SOHLH2: variants seen among roughly 807,000 people sequenced by gnomAD.
SOHLH2 encodes spermatogenesis- and oogenesis-specific basic helix-loop-helix-containing protein 2.
Under a neutral mutation model 50.4 loss-of-function variants are expected in SOHLH2, and 22 were observed. The observed-to-expected ratio is 0.44, with a 90% CI of 0.31 to 0.62. The LOEUF (loss-of-function observed/expected upper bound fraction) is 0.62, where lower values mean the gene tolerates loss of function less well. Among genes scored for constraint, SOHLH2 ranks in the 20% least tolerant of loss-of-function variants. The pLI, the probability that SOHLH2 is intolerant of heterozygous loss-of-function variation, is 0.08. For synonymous variants in SOHLH2, 185 were observed against 187.3 expected, an observed-to-expected ratio of 0.99 and a Z score of 0.10; for missense variants, 412 against 504.4, an observed-to-expected ratio of 0.82 and a Z score of 1.76.
At chr13:36,185,122 T>C (rs1260031566) in intron 6 of SOHLH2, among the ~76,000 whole-genome samples, 1 of 152,144 alleles carries the variant, frequency 6.6e-6, no homozygotes, top group Non-Finnish European at 1.5e-5. Flanking sequence ...TATGGCTACA[T>C]AGTATTGTGT....
chr13:36,195,120 T>C (rs189705112), intron 2 of SOHLH2, among the ~76,000 whole-genome samples: 1 of 152,214 alleles, frequency 6.6e-6, no homozygotes, highest in Non-Finnish European at 1.5e-5. Context: ...CGAATCATTA[T>C]AGATAATTTT....
At position 36,193,644 on chromosome 13, in the gene SOHLH2, C is replaced by T; in HGVS notation, c.407G>A (p.Trp136Ter). Reference sequence around the variant, plus strand: ...ACCAGTGTTTGAGGGACATGTTGTCCAGTATTTTACCACATTACTCATTTT... The same window carrying T: ...ACCAGTGTTTGAGGGACATGTTGTCTAGTATTTTACCACATTACTCATTTT... ...MEKMSNVVKY[W>*]TTCPSNTVKT... is the part of the protein sequence containing the mutation. The change falls in exon 4 of 11, where the codon TGG becomes TAG. Residue 136 changes from tryptophan (W) to a stop codon, truncating the protein, a stop_gained. Coordinates refer to ENST00000379881, the MANE Select transcript of SOHLH2 (RefSeq NM_017826.3). LOFTEE classifies it high-confidence loss of function. 1.2e-6 allele frequency: 2 copies of T among 1,608,744 alleles called. No homozygotes were observed. Among genetic ancestry groups the T allele is most frequent in the East Asian group, 2.2e-5 (1 of 44,578 alleles).
intron 1 of SOHLH2, among the ~76,000 whole-genome samples, chr13:36,209,432 A>G (rs1328655): frequency 0.81 from 122,722 of 152,052 alleles, 49,788 homozygotes; most frequent in East Asian, 1. Flanking sequence ...TTCTCAGCTC[A>G]GAGGTTGGGA....
rs548812142 is a variant in SOHLH2 at position 36,188,988 on chromosome 13, A to C, written c.641+958T>G. Among the ~76,000 whole-genome samples the C allele has an allele frequency of 1.1e-4, 16 of 152,310 alleles. No individual in the cohort carries two copies. In the South Asian group the frequency reaches 3.3e-3, roughly 32 times the overall value. On this transcript the variant is annotated intron_variant, in intron 6 of 10. Transcript: ENST00000379881. ...GTATTCAAGCTCAACAAGAGTAAAA[A>C]TAAAAATATATTTACCTCACACTGC...
chr13:36,201,119 A>G (rs1868396278), intron 2 of SOHLH2, among the ~76,000 whole-genome samples: 1 of 151,926 alleles, frequency 6.6e-6, no homozygotes, highest in Non-Finnish European at 1.5e-5. Context: ...ACGAAACAAG[A>G]ACACTGGAGG....
At chr13:36,196,127 ATT>A (rs71198406) in intron 2 of SOHLH2, among the ~76,000 whole-genome samples, 14 of 101,944 alleles carry the variant, frequency 1.4e-4, no homozygotes, top group Admixed American at 3.6e-4. Flanking sequence ...TAGATAGATA[ATT>A]TTTTTTTTTT....
In SOHLH2 at chr13:36,179,601, C is replaced by T. The variant is rs570419996; in HGVS notation, c.642-4732G>A. On this transcript the variant is annotated intron_variant, in intron 6 of 10. Transcript: ENST00000379881. ...TTTTTTTATTTTTTTTTTGTAGAGGCGAGGTTTTGCCATGTTGGCCTGGTC... is the reference window on the plus strand; with the variant it reads ...TTTTTTTATTTTTTTTTTGTAGAGGTGAGGTTTTGCCATGTTGGCCTGGTC... Among the ~76,000 whole-genome samples, 25 of 151,532 alleles carry T rather than the reference C, an allele frequency of 1.6e-4. No individual in the cohort carries two copies. In the South Asian group the frequency reaches 2.5e-3, roughly 15 times the overall value.
At chr13:36,202,278 C>T (rs938398643) in intron 1 of SOHLH2, among the ~76,000 whole-genome samples, 185 bp from the exon 2 acceptor site, 3 of 152,234 alleles carry the variant, frequency 2.0e-5, no homozygotes, top group African/African-American at 7.2e-5. Flanking sequence ...TTCACATCTT[C>T]AGTACCTAGA....
intron 1 of SOHLH2, among the ~76,000 whole-genome samples, chr13:36,206,603 TAC>T (rs1444114884): frequency 2.6e-5 from 4 of 152,168 alleles, no homozygotes; most frequent in African/African-American, 9.6e-5. Flanking sequence ...CATAGCCTAA[TAC>T]ACAGTTTTTG....
At chr13:36,212,680 C>T (rs1273060153) in intron 1 of SOHLH2, among the ~76,000 whole-genome samples, 1 of 152,124 alleles carries the variant, frequency 6.6e-6, no homozygotes, top group Non-Finnish European at 1.5e-5. Flanking sequence ...ACGAAAGTAA[C>T]ATGTATTCAC....
intron 2 of SOHLH2, among the ~76,000 whole-genome samples, chr13:36,201,547 A>G (rs1002721716): frequency 2.0e-5 from 3 of 151,574 alleles, no homozygotes; most frequent in African/African-American, 7.3e-5. Flanking sequence ...ATCATAGTTC[A>G]TTGCAGCCTT....
At chr13:36,210,429 T>C (rs1869045815) in intron 1 of SOHLH2, among the ~76,000 whole-genome samples, 1 of 151,700 alleles carries the variant, frequency 6.6e-6, no homozygotes, top group Non-Finnish European at 1.5e-5. Context: ...AAATGTCACA[T>C]TTTACTGTGT....
At chr13:36,202,198 A>C in intron 1 of SOHLH2, 105 bp from the exon 2 acceptor site, 5 of 1,364,630 alleles carry the variant, frequency 3.7e-6, no homozygotes, top group Non-Finnish European at 5.0e-6. Context: ...TAACACAACA[A>C]TTGACTCCAT....
chr13:36,205,564 A>G (rs1323750808), intron 1 of SOHLH2, among the ~76,000 whole-genome samples: 2 of 152,094 alleles, frequency 1.3e-5, no homozygotes, highest in Non-Finnish European at 2.9e-5. Context: ...AGATTTCCTA[A>G]TGTCAAGCCA....
intron 1 of SOHLH2, among the ~76,000 whole-genome samples, chr13:36,212,790 G>A (rs755081106): frequency 6.6e-6 from 1 of 152,182 alleles, no homozygotes. Flanking sequence ...AAGTGTGGGT[G>A]GTTTTAATAA....
intron 6 of SOHLH2, among the ~76,000 whole-genome samples, chr13:36,178,309 G>A (rs1887148452): frequency 6.6e-6 from 1 of 152,020 alleles, no homozygotes; most frequent in Non-Finnish European, 1.5e-5. Flanking sequence ...TATATGGTGT[G>A]AAGTAAGGGG....
intron 1 of SOHLH2, 51 bp downstream of exon 1, chr13:36,214,427 GC>G: frequency 6.3e-7 from 1 of 1,588,260 alleles, no homozygotes; most frequent in Non-Finnish European, 8.6e-7. Flanking sequence ...CCGACCTAGG[GC>G]CCGCCCGCGA....
chr13:36,192,042 T>C (rs1048354088), intron 4 of SOHLH2, 148 bp from the exon 5 acceptor site: 13 of 922,396 alleles, frequency 1.4e-5, no homozygotes, highest in Middle Eastern at 2.3e-4. Context: ...AAGCAATTTA[T>C]AGATTTCTGT....
chr13:36,173,132 A>T (rs1023223900), intron 9 of SOHLH2, among the ~76,000 whole-genome samples: 1 of 152,174 alleles, frequency 6.6e-6, no homozygotes, highest in South Asian at 2.1e-4. Flanking sequence ...TATGTTGGTC[A>T]TTGTTCTAGG....
Sources: gnomAD v4.1 joint callset for allele counts (sites outside exome capture counted in the v4.1 genomes callset) on GRCh38, gnomAD v4.1.1 for gene constraint, MANE v1.5 for transcripts, NCBI Gene and HGNC (gene_info 2026-07-23, HGNC 2026-07-21) for gene names.